TRPC5: variants seen among roughly 807,000 people sequenced by gnomAD.
The protein encoded by TRPC5 is short transient receptor potential channel 5.
In TRPC5, 9 loss-of-function variants were observed where a neutral mutation model predicts 56.5. The observed-to-expected ratio is 0.16, with a 90% CI of 0.10 to 0.28. The LOEUF (loss-of-function observed/expected upper bound fraction) is 0.28, where lower values mean the gene tolerates loss of function less well. TRPC5 is among the 10% of genes least tolerant of loss of function. The pLI is 1.00. For synonymous variants in TRPC5, 282 were observed against 278.5 expected (o/e 1.01, Z -0.13); for missense variants, 469 against 748.9 (o/e 0.63, Z 4.36).
chrX:111,944,303 T>TGTGTGTGTGTGTGAGAGA (rs1173179815), intron 2 of TRPC5, among the ~76,000 whole-genome samples: 1 of 61,393 alleles, frequency 1.6e-5, no homozygotes, highest in African/African-American at 1.1e-4. Flanking sequence ...TGTGTGTGTG[T>TGTGTGTGTGTGTGAGAGA]GAGAGAGAGA....
intron 1 of TRPC5, among the ~76,000 whole-genome samples, chrX:111,973,355 C>T (rs1927833447): frequency 8.9e-6 from 1 of 111,879 alleles, no homozygotes; most frequent in African/African-American, 3.2e-5. Context: ...ACAGGAAATA[C>T]CTTGCCATTT....
At chrX:111,956,134 A>G (rs764059032) in intron 1 of TRPC5, among the ~76,000 whole-genome samples, 89 of 112,866 alleles carry the variant, frequency 7.9e-4, no homozygotes, top group African/African-American at 2.8e-3. Context: ...CCAGGGCACA[A>G]AATGGCTTTG....
intron 2 of TRPC5, among the ~76,000 whole-genome samples, chrX:111,947,769 A>G (rs780199151): frequency 2.7e-5 from 3 of 112,147 alleles, no homozygotes; most frequent in Non-Finnish European, 5.6e-5. Flanking sequence ...TTAAATATAC[A>G]TTTATGAAGT....
intron 3 of TRPC5, among the ~76,000 whole-genome samples, chrX:111,877,566 G>C (rs935910970): frequency 9.0e-6 from 1 of 111,298 alleles, no homozygotes; most frequent in Non-Finnish European, 1.9e-5. Context: ...GTGGTGTGTA[G>C]GAAGGACATC....
At chrX:112,067,146 A>C (rs185554599) in intron 1 of TRPC5, among the ~76,000 whole-genome samples, 48 of 112,204 alleles carry the variant, frequency 4.3e-4, no homozygotes, top group Admixed American at 7.5e-4. Flanking sequence ...ATTCCTCACT[A>C]GAGGTGACTC....
At chrX:111,988,103 A>C (rs1325499437) in intron 1 of TRPC5, among the ~76,000 whole-genome samples, 1 of 112,554 alleles carries the variant, frequency 8.9e-6, no homozygotes, top group Non-Finnish European at 1.9e-5. Context: ...CATTTACCAG[A>C]ACACCACTGG....
At chrX:111,863,022 C>G (rs781376966) in intron 3 of TRPC5, among the ~76,000 whole-genome samples, 1 of 111,927 alleles carries the variant, frequency 8.9e-6, no homozygotes, top group South Asian at 3.7e-4. Flanking sequence ...GACAAAATCT[C>G]AACAAATTTA....
At chrX:112,038,693 T>G (rs757613325) in intron 1 of TRPC5, among the ~76,000 whole-genome samples, 17 of 109,739 alleles carry the variant, frequency 1.5e-4, no homozygotes, top group Non-Finnish European at 3.2e-4. Context: ...TATTTTTATT[T>G]TTTTTTGAGA....
chrX:111,915,363 T>G (rs1044503414), intron 2 of TRPC5, among the ~76,000 whole-genome samples: 1 of 111,969 alleles, frequency 8.9e-6, no homozygotes, highest in Admixed American at 9.4e-5. Flanking sequence ...AAAACTGGTC[T>G]ACAGTGACCA....
At chrX:111,853,623 T>C in intron 4 of TRPC5, 147 bp downstream of exon 4, 1 of 517,720 alleles carries the variant, frequency 1.9e-6, no homozygotes, top group South Asian at 3.4e-5. Flanking sequence ...ACTACATTTC[T>C]GAGACTCTCA....
chrX:112,036,159 C>T (rs187033308), intron 1 of TRPC5, among the ~76,000 whole-genome samples: 1 of 111,048 alleles, frequency 9.0e-6, no homozygotes, highest in African/African-American at 3.3e-5. Context: ...CTTTTTAATT[C>T]CCCAGTATAC....
chrX:112,007,962 T>C (rs1928885600), intron 1 of TRPC5, among the ~76,000 whole-genome samples: 1 of 111,574 alleles, frequency 9.0e-6, no homozygotes, highest in South Asian at 3.8e-4. Flanking sequence ...TTTCATCACA[T>C]AGCCACCGTA....
In TRPC5 at chrX:111,821,407, C is replaced by T. The variant is rs183992161; in HGVS notation, c.1896+13514G>A. 1.1e-4 allele frequency among the ~76,000 whole-genome samples: 12 copies of T among 111,726 alleles called. No homozygotes were observed. The East Asian group carries it at 3.3e-3, about 31-fold the overall frequency. On this transcript the variant is annotated intron_variant, in intron 7 of 10. Coordinates refer to ENST00000262839, the MANE Select transcript of TRPC5 (RefSeq NM_012471.3). The stretch of plus-strand genomic sequence containing the variant: ...CCTCTTTTAAAGAAAAGCGGATTTA[C>T]CTTGACAGCTGAGATAACGTAATTC...
Position 111,952,250 on chromosome X carries a change from G to C in TRPC5, c.171C>G (p.Ile57Met), listed in dbSNP as rs751215394. Residue 57 changes from isoleucine to methionine, a missense_variant, in exon 2 of 11, where the codon ATC (isoleucine) becomes ATG (methionine). Ile to Met is a conservative substitution (Grantham distance 10, BLOSUM62 1). Transcript: ENST00000262839. ...TVKQALQEAE[I>M]YYNVNINCMD... ...TGCAGTTGATGTTAACATTATAGTA[G>C]ATCTCAGCCTCCTGAAGGGCCTGCT... The C allele has an allele frequency of 1.7e-5, 21 of 1,211,872 alleles. No individual in the cohort carries two copies. Among genetic ancestry groups the C allele is most frequent in the Non-Finnish European group, 2.2e-6 (2 of 895,580 alleles).
At chrX:112,029,915 C>A (rs770899517) in intron 1 of TRPC5, among the ~76,000 whole-genome samples, 1 of 109,929 alleles carries the variant, frequency 9.1e-6, no homozygotes, top group Non-Finnish European at 1.9e-5. Flanking sequence ...GCAACCTCTG[C>A]CTCCCGGGTT....
Position 111,769,139 on chromosome X carries a change from TC to T in TRPC5, c.*7173del, listed in dbSNP as rs1945829794. On this transcript the variant is annotated 3_prime_UTR_variant, in exon 11 of 11. Coordinates refer to ENST00000262839, the MANE Select transcript of TRPC5 (RefSeq NM_012471.3). ...ACCGTGGGTTCTTATGAGTCCAAAA[TC>T]CTCCCCTCTGTTCTCTATGGAGGTT... 9.0e-6 allele frequency among the ~76,000 whole-genome samples: 1 copy of T among 111,555 alleles called. No homozygotes were observed.
At chrX:112,068,507 A>G (rs1930641444) in intron 1 of TRPC5, among the ~76,000 whole-genome samples, 2 of 111,990 alleles carry the variant, frequency 1.8e-5, no homozygotes, top group South Asian at 7.4e-4. Context: ...AGAACTCTCT[A>G]TTTTTGAATG....
chrX:111,994,300 C>A (rs1263889139), intron 1 of TRPC5, among the ~76,000 whole-genome samples: 3 of 111,705 alleles, frequency 2.7e-5, no homozygotes, highest in African/African-American at 9.8e-5. Context: ...GTTTTGGATA[C>A]CGTAGCCTTG....
intron 1 of TRPC5, among the ~76,000 whole-genome samples, chrX:112,026,035 C>T (rs979791440): frequency 8.9e-6 from 1 of 112,161 alleles, no homozygotes; most frequent in Non-Finnish European, 1.9e-5. Context: ...ATAATCATAC[C>T]GTTTCCACAA....
Sources: allele counts gnomAD v4.1 joint callset (sites outside exome capture counted in the v4.1 genomes callset), GRCh38; gene constraint gnomAD v4.1.1; transcripts MANE v1.5; gene names NCBI Gene and HGNC (gene_info 2026-07-23, HGNC 2026-07-21).